The following HES1 variants were observed in gnomAD, a reference collection of about 807,000 sequenced individuals.
HES1 encodes hes family bHLH transcription factor 1.
HES1 carries 7 observed loss-of-function variants against 21.0 expected under a neutral mutation model. The ratio of observed to expected loss-of-function variants is 0.33; its 90% CI spans 0.19 to 0.63. HES1 has a LOEUF of 0.63. Ranked by LOEUF, HES1 falls within the 20% of genes least tolerant of loss-of-function variation. The probability of loss-of-function intolerance (pLI) is 0.78; values close to 1 mark genes in which losing one functional copy is unlikely to be tolerated. For missense variants in HES1, 338 were observed against 389.8 expected, an observed-to-expected ratio of 0.87 and a Z score of 1.12; for synonymous variants, 169 against 171.2, an observed-to-expected ratio of 0.99 and a Z score of 0.10.
Position 194,138,168 on chromosome 3 carries a change from G to T in HES1, c.778G>T (p.Ala260Ser). The T allele has an allele frequency of 6.2e-7, 1 of 1,610,836 alleles. No homozygotes were observed. The highest frequency in any genetic ancestry group is 8.5e-7 in the Non-Finnish European group (1 of 1,178,824). The change falls in exon 4 of 4, where the codon GCA becomes TCA. Residue 260 changes from alanine (A) to serine (S), a missense_variant. Ala to Ser is a moderately conservative substitution (Grantham distance 99, BLOSUM62 1). Coordinates refer to ENST00000232424, the MANE Select transcript of HES1 (RefSeq NM_005524.4). ...CAGCGGCACCTCCGTGGGCCCCAAC[G>T]CAGTGTCACCTTCCAGCGGCCCCTC... ...SNSGTSVGPNAVSPSSGPSLT... is the reference protein window; with the variant it reads ...SNSGTSVGPNSVSPSSGPSLT...
Position 194,137,789 on chromosome 3 carries a change from C to G in HES1, c.399C>G (p.Thr133=), listed in dbSNP as rs750607048. ...TGTCCACGTGCGAGGGCGTTAATACCGAGGTGCGCACTCGGCTGCTCGGCC... is the reference window on the plus strand; with the variant it reads ...TGTCCACGTGCGAGGGCGTTAATACGGAGGTGCGCACTCGGCTGCTCGGCC... The part of the protein sequence containing the change: ...RFLSTCEGVN[T]EVRTRLLGHL... Residue 133 remains threonine (T), a synonymous_variant, in exon 4 of 4, where the codon ACC becomes ACG. Transcript: ENST00000232424. The surrounding 1 kb of genome is among the most constrained non-coding windows in gnomAD (Gnocchi z 5.4). 1 of 1,613,748 alleles carries G rather than the reference C, an allele frequency of 6.2e-7. No individual in the cohort carries two copies. The highest frequency in any genetic ancestry group is 1.1e-5 in the South Asian group (1 of 91,062).
rs535241570 is a variant in HES1 at position 194,137,107 on chromosome 3, C to A, written c.292+59C>A. ...CGTCCCGCTCGCCTCGCGGTGATTT[C>A]TTCCAGACTTCCGCCCGTGGTTGTG... On this transcript the variant is annotated intron_variant, in intron 3 of 3. Transcript: ENST00000232424. This position sits in a 1 kb window ranked among gnomAD's most constrained non-coding sequence, Gnocchi z 5.4. 2 of 1,401,162 alleles carry A rather than the reference C, an allele frequency of 1.4e-6. No individual in the cohort carries two copies. The highest frequency in any genetic ancestry group is 1.4e-5 in the African/African-American group (1 of 70,716). 86.8% of individuals were successfully genotyped at this position (1,401,162 alleles called of 1,614,324 possible).
intron 2 of HES1, 32 bp from the exon 3 acceptor site, chr3:194,136,929 G>C (rs763805635): frequency 6.3e-7 from 1 of 1,598,876 alleles, no homozygotes; most frequent in Non-Finnish European, 8.6e-7. Flanking sequence ...CTGACACGGG[G>C]CTCACTTTCC....
In HES1 at chr3:194,137,925, G is replaced by A; in HGVS notation, c.535G>A (p.Ala179Thr). ...ACCGGGACCCGGCGGCCCCCAGCAC[G>A]CGCCGTTCGCGCCGCCGCCGCCACT... ...PPPGPGGPQH[A>T]PFAPPPPLVP... The change falls in exon 4 of 4, where the codon GCG becomes ACG. Residue 179 changes from alanine to threonine, a missense_variant. By Grantham distance (58) the Ala-to-Thr change is moderately conservative (BLOSUM62 0). Transcript: ENST00000232424. This position sits in a 1 kb window ranked among gnomAD's most constrained non-coding sequence, Gnocchi z 5.4. 4 of 1,305,786 alleles carry A rather than the reference G, an allele frequency of 3.1e-6. No individual in the cohort carries two copies. Among genetic ancestry groups the A allele is most frequent in the South Asian group, 2.8e-5 (1 of 35,916 alleles). 80.9% of individuals were successfully genotyped at this position (1,305,786 alleles called of 1,614,324 possible).
chr3:194,138,067 A>G lies in HES1; in HGVS notation c.677A>G (p.Asp226Gly), dbSNP rs1176347668. ...GGCTTCCAGGTGGTACCGGCTCCCG[A>G]TGGCCAGTTTGCTTTCCTCATTCCC... The part of the protein sequence containing the change: ...FGGFQVVPAP[D>G]GQFAFLIPNG... Residue 226 changes from aspartate (D) to glycine (G), a missense_variant, in exon 4 of 4, where the codon GAT becomes GGT. Physicochemically the swap from Asp to Gly is moderately conservative, Grantham distance 94. Coordinates refer to ENST00000232424, the MANE Select transcript of HES1 (RefSeq NM_005524.4). 3.1e-6 allele frequency: 5 copies of G among 1,608,332 alleles called. No homozygotes were observed. In the South Asian group the frequency reaches 5.5e-5, roughly 18 times the overall value.
At chr3:194,136,569 G>C (rs1311940417) in intron 1 of HES1, 48 bp from the exon 2 acceptor site, 1 of 1,573,020 alleles carries the variant, frequency 6.4e-7, no homozygotes, top group Admixed American at 1.8e-5. Context: ...TTGAAACCCC[G>C]GGATGGCAGA....
chr3:194,137,408 G>A lies in HES1; in HGVS notation c.293-275G>A, dbSNP rs993991088. ...GATGGATTGGGAGGCATTGTCCAAG[G>A]TCACATCGCGCGCGGGGGTGGGGGT... On this transcript the variant is annotated intron_variant, in intron 3 of 3. Coordinates refer to ENST00000232424, the MANE Select transcript of HES1 (RefSeq NM_005524.4). The surrounding 1 kb of genome is among the most constrained non-coding windows in gnomAD (Gnocchi z 5.4). 7.0e-6 allele frequency: 4 copies of A among 571,558 alleles called. No individual in the cohort carries two copies. The highest frequency in any genetic ancestry group is 3.1e-6 in the Non-Finnish European group (1 of 321,198). The allele number at this position is 571,558 out of a possible 1,614,324, so 35.4% of individuals were successfully genotyped here. A position where few individuals can be genotyped will look rare whatever the true frequency, so the allele number is the denominator to read the frequency against.
At position 194,137,429 on chromosome 3, in the gene HES1, G is replaced by A; in HGVS notation, c.293-254G>A. ...CAAGGTCACATCGCGCGCGGGGGTGGGGGTGACAGATCTGGGGCTGAGATA... is the reference window on the plus strand; with the variant it reads ...CAAGGTCACATCGCGCGCGGGGGTGAGGGTGACAGATCTGGGGCTGAGATA... On this transcript the variant is annotated intron_variant, in intron 3 of 3. Transcript: ENST00000232424. This position sits in a 1 kb window ranked among gnomAD's most constrained non-coding sequence, Gnocchi z 5.4. The A allele has an allele frequency of 5.2e-6, 3 of 573,054 alleles. No homozygotes were observed. Among genetic ancestry groups the A allele is most frequent in the Non-Finnish European group, 9.3e-6 (3 of 323,262 alleles). The allele number at this position is 573,054 out of a possible 1,614,324, so 35.5% of individuals were successfully genotyped here.
chr3:194,137,701 C>G lies in HES1; in HGVS notation c.311C>G (p.Pro104Arg). 1.2e-6 allele frequency: 2 copies of G among 1,612,148 alleles called. No homozygotes were observed. The highest frequency in any genetic ancestry group is 1.7e-6 in the Non-Finnish European group (2 of 1,179,068). ...AQMTAALSTD[P>R]SVLGKYRAGF... is the part of the protein sequence containing the mutation. ...CCCGCAGCTGCGCTGAGCACAGACC[C>G]AAGTGTGCTGGGGAAGTACCGAGCC... The change falls in exon 4 of 4, where the codon CCA becomes CGA. Residue 104 changes from proline (P) to arginine (R), a missense_variant. Physicochemically the swap from Pro to Arg is moderately radical, Grantham distance 103. Coordinates refer to ENST00000232424, the MANE Select transcript of HES1 (RefSeq NM_005524.4). This position sits in a 1 kb window ranked among gnomAD's most constrained non-coding sequence, Gnocchi z 5.4.
rs1352114688 is a variant in HES1, at chr3:194,137,370, A to T, written c.293-313A>T. ...ACTCCTTCCCGTTGCAGAAGGGGAA[A>T]TGAGGCTTGGATGATGGATTGGGAG... is the stretch of plus-strand genomic sequence containing the variant. On this transcript the variant is annotated intron_variant, in intron 3 of 3. Coordinates refer to ENST00000232424, the MANE Select transcript of HES1 (RefSeq NM_005524.4). This position sits in a 1 kb window ranked among gnomAD's most constrained non-coding sequence, Gnocchi z 5.4. 3 of 563,336 alleles carry T rather than the reference A, an allele frequency of 5.3e-6. No homozygotes were observed. In the Admixed American group the frequency reaches 9.4e-5, roughly 18 times the overall value. 34.9% of individuals were successfully genotyped at this position (563,336 alleles called of 1,614,324 possible). A position where few individuals can be genotyped will look rare whatever the true frequency, so the allele number is the denominator to read the frequency against.
At position 194,137,072 on chromosome 3, in the gene HES1, C is replaced by G. The variant is rs1338739735; in HGVS notation, c.292+24C>G. On this transcript the variant is annotated intron_variant, in intron 3 of 3. Transcript: ENST00000232424. The surrounding 1 kb of genome is among the most constrained non-coding windows in gnomAD (Gnocchi z 5.4). ...GGGTGAGGGCGGCTCGCCGCGTCCC[C>G]CTGTGCGGGCGTCCCGCTCGCCTCG... 2.5e-6 allele frequency: 4 copies of G among 1,596,358 alleles called. No individual in the cohort carries two copies. The highest frequency in any genetic ancestry group is 3.4e-6 in the Non-Finnish European group (4 of 1,164,376).
chr3:194,138,168 G>A lies in HES1; in HGVS notation c.778G>A (p.Ala260Thr), dbSNP rs1270230843. The A allele has an allele frequency of 1.9e-6, 3 of 1,610,836 alleles. No homozygotes were observed. The highest frequency in any genetic ancestry group is 2.2e-5 in the South Asian group (2 of 90,468). The change falls in exon 4 of 4, where the codon GCA (alanine) becomes ACA (threonine). Residue 260 changes from alanine (A) to threonine (T), a missense_variant. Ala to Thr is a moderately conservative substitution (Grantham distance 58). Transcript: ENST00000232424. Reference protein sequence around the residue: ...SNSGTSVGPNAVSPSSGPSLT... With the variant: ...SNSGTSVGPNTVSPSSGPSLT... ...CAGCGGCACCTCCGTGGGCCCCAACGCAGTGTCACCTTCCAGCGGCCCCTC... is the reference window on the plus strand; with the variant it reads ...CAGCGGCACCTCCGTGGGCCCCAACACAGTGTCACCTTCCAGCGGCCCCTC...
Position 194,138,176 on chromosome 3 carries a change from A to G in HES1, c.786A>G (p.Ser262=). ...SGTSVGPNAV[S]PSSGPSLTAD... ...CCTCCGTGGGCCCCAACGCAGTGTCACCTTCCAGCGGCCCCTCGCTTACGG... is the reference window on the plus strand; with the variant it reads ...CCTCCGTGGGCCCCAACGCAGTGTCGCCTTCCAGCGGCCCCTCGCTTACGG... The change falls in exon 4 of 4, where the codon TCA becomes TCG. Residue 262 remains serine, a synonymous_variant. Transcript: ENST00000232424. 6.2e-7 allele frequency: 1 copy of G among 1,607,690 alleles called. No homozygotes were observed. The highest frequency in any genetic ancestry group is 8.5e-7 in the Non-Finnish European group (1 of 1,177,562).
rs1269549549 is a variant in HES1, at chr3:194,136,252, T to C, written c.-129T>C. On this transcript the variant is annotated 5_prime_UTR_variant, in exon 1 of 4. Coordinates refer to ENST00000232424, the MANE Select transcript of HES1 (RefSeq NM_005524.4). ...ATCACCAAGTAGCCACAAAATATAATAAACCCTCAGCACTTGCTCAGTAGT... is the reference window on the plus strand; with the variant it reads ...ATCACCAAGTAGCCACAAAATATAACAAACCCTCAGCACTTGCTCAGTAGT... 1.6e-6 allele frequency: 1 copy of C among 634,866 alleles called. No individual in the cohort carries two copies. Among genetic ancestry groups the C allele is most frequent in the Non-Finnish European group, 2.8e-6 (1 of 360,880 alleles). The allele number at this position is 634,866 out of a possible 1,614,324, so 39.3% of individuals were successfully genotyped here.
chr3:194,136,361 A>AT lies in HES1; in HGVS notation c.-20_-19insT. ...CCAAAAATAAAATTCTCTAGAGATA[A>AT]AAAAAAAAAAAAAAGGAAAATGCCA... On this transcript the variant is annotated 5_prime_UTR_variant, in exon 1 of 4. Coordinates refer to ENST00000232424, the MANE Select transcript of HES1 (RefSeq NM_005524.4). 1 of 750,738 alleles carries AT rather than the reference A, an allele frequency of 1.3e-6. No homozygotes were observed. The allele number at this position is 750,738 out of a possible 1,614,324, so 46.5% of individuals were successfully genotyped here. A position where few individuals can be genotyped will look rare whatever the true frequency, so the allele number is the denominator to read the frequency against.
chr3:194,137,922 C>A lies in HES1; in HGVS notation c.532C>A (p.His178Asn). 1 of 1,342,218 alleles carries A rather than the reference C, an allele frequency of 7.5e-7. No homozygotes were observed. Among genetic ancestry groups the A allele is most frequent in the Non-Finnish European group, 9.6e-7 (1 of 1,046,112 alleles). The allele number at this position is 1,342,218 out of a possible 1,614,324, so 83.1% of individuals were successfully genotyped here. Reference sequence around the variant, plus strand: ...CCCACCGGGACCCGGCGGCCCCCAGCACGCGCCGTTCGCGCCGCCGCCGCC... The same window carrying A: ...CCCACCGGGACCCGGCGGCCCCCAGAACGCGCCGTTCGCGCCGCCGCCGCC... ...PPPPGPGGPQHAPFAPPPPLV... is the reference protein window; with the variant it reads ...PPPPGPGGPQNAPFAPPPPLV... The change falls in exon 4 of 4, where the codon CAC becomes AAC. Residue 178 changes from histidine (H) to asparagine (N), a missense_variant. Physicochemically the swap from His to Asn is moderately conservative, Grantham distance 68. Transcript: ENST00000232424. The surrounding 1 kb of genome is among the most constrained non-coding windows in gnomAD (Gnocchi z 5.4).
Position 194,137,630 on chromosome 3 carries a change from G to A in HES1, c.293-53G>A, listed in dbSNP as rs1313242038. The A allele has an allele frequency of 6.7e-6, 10 of 1,493,318 alleles. No homozygotes were observed. In the East Asian group the frequency reaches 2.2e-4, roughly 33 times the overall value. 92.5% of individuals were successfully genotyped at this position (1,493,318 alleles called of 1,614,324 possible). ...AGGGACCTCCCAGGGCGGAGGCAGT[G>A]GCCACGGGGCCAGGGCCGTTCGGTG... On this transcript the variant is annotated intron_variant, in intron 3 of 3. Coordinates refer to ENST00000232424, the MANE Select transcript of HES1 (RefSeq NM_005524.4). The surrounding 1 kb of genome is among the most constrained non-coding windows in gnomAD (Gnocchi z 5.4).
chr3:194,137,164 C>T lies in HES1; in HGVS notation c.292+116C>T. On this transcript the variant is annotated intron_variant, in intron 3 of 3. Coordinates refer to ENST00000232424, the MANE Select transcript of HES1 (RefSeq NM_005524.4). This position sits in a 1 kb window ranked among gnomAD's most constrained non-coding sequence, Gnocchi z 5.4. Reference sequence around the variant, plus strand: ...ATTCAGCTACATTTTACTGCCTTGGCTCACTCTTGCGTTCCCACGGTCTGG... The same window carrying T: ...ATTCAGCTACATTTTACTGCCTTGGTTCACTCTTGCGTTCCCACGGTCTGG... The T allele has an allele frequency of 1.2e-6, 1 of 833,252 alleles. No individual in the cohort carries two copies. Among genetic ancestry groups the T allele is most frequent in the Non-Finnish European group, 2.0e-6 (1 of 492,368 alleles). The allele number at this position is 833,252 out of a possible 1,614,324, so 51.6% of individuals were successfully genotyped here. A position where few individuals can be genotyped will look rare whatever the true frequency, so the allele number is the denominator to read the frequency against.
rs753102237 is a variant in HES1 at position 194,136,310 on chromosome 3, CA to C, written c.-65del. On this transcript the variant is annotated 5_prime_UTR_variant, in exon 1 of 4. Coordinates refer to ENST00000232424, the MANE Select transcript of HES1 (RefSeq NM_005524.4). ...AAGTCTCAAGTAAAAGAGACACAAA[CA>C]AAAAATTCTTTTTCGTGAAGAACTC... The C allele has an allele frequency of 1.8e-4, 166 of 901,266 alleles. No individual in the cohort carries two copies. The highest frequency in any genetic ancestry group is 2.6e-4 in the Non-Finnish European group (156 of 606,614). 55.8% of individuals were successfully genotyped at this position (901,266 alleles called of 1,614,324 possible).
Sources: gnomAD v4.1 joint callset for allele counts on GRCh38, gnomAD v4.1.1 for gene constraint, Gnocchi (gnomAD v3.1) non-coding constraint, MANE v1.5 for transcripts, NCBI Gene and HGNC (gene_info 2026-07-23, HGNC 2026-07-21) for gene names.